Variants in LRRC40 observed in about 807,000 individuals in gnomAD.
LRRC40 encodes leucine rich repeat containing 40.
In LRRC40, 76 loss-of-function variants were observed where a neutral mutation model predicts 72.8. The ratio of observed to expected loss-of-function variants is 1.04; its 90% CI spans 0.87 to 1.26. The LOEUF is 1.26. Ranked by LOEUF, LRRC40 falls within the 50% of genes most tolerant of loss-of-function variation. The pLI is 0.00. For missense variants in LRRC40, 684 were observed against 698.9 expected (o/e 0.98, Z 0.24); for synonymous variants, 243 against 254.2 (o/e 0.96, Z 0.42).
chr1:70,172,194 GGTCCTTACCA>G (rs1668013502), intron 9 of LRRC40, among the ~76,000 whole-genome samples: 1 of 152,100 alleles, frequency 6.6e-6, no homozygotes, highest in Non-Finnish European at 1.5e-5. Flanking sequence ...ATGAGAAACA[GGTCCTTACCA>G]GACACCAAAT....
intron 1 of LRRC40, among the ~76,000 whole-genome samples, chr1:70,197,925 C>CAA (rs1335869720): frequency 1.3e-5 from 2 of 151,912 alleles, no homozygotes; most frequent in African/African-American, 4.8e-5. Context: ...ACTAAAAATA[C>CAA]AAATTTTTGT....
intron 9 of LRRC40, among the ~76,000 whole-genome samples, chr1:70,161,497 C>T (rs1667761233): frequency 6.7e-6 from 1 of 148,658 alleles, no homozygotes; most frequent in African/African-American, 2.5e-5. Flanking sequence ...GCTTGCAGTG[C>T]AAGATCGCGC....
chr1:70,166,027 T>C (rs1004484066), intron 9 of LRRC40, among the ~76,000 whole-genome samples: 2 of 152,220 alleles, frequency 1.3e-5, no homozygotes, highest in South Asian at 4.1e-4. Context: ...TCAAAATAAA[T>C]GTTTCAGTTC....
chr1:70,172,624 A>C (rs1186524235), intron 9 of LRRC40, among the ~76,000 whole-genome samples: 1 of 152,198 alleles, frequency 6.6e-6, no homozygotes, highest in African/African-American at 2.4e-5. Flanking sequence ...GTTCTGGAAG[A>C]GAAAGCATAT....
intron 1 of LRRC40, among the ~76,000 whole-genome samples, chr1:70,202,117 A>G (rs1668753426): frequency 6.6e-6 from 1 of 152,272 alleles, no homozygotes; most frequent in African/African-American, 2.4e-5. Context: ...ATGAAATGGT[A>G]CACATTAGTA....
At chr1:70,162,330 CCT>C (rs1667783810) in intron 9 of LRRC40, among the ~76,000 whole-genome samples, 1 of 152,000 alleles carries the variant, frequency 6.6e-6, no homozygotes, top group Admixed American at 6.6e-5. Flanking sequence ...TAGTTTGTCC[CCT>C]GAGGAGACAT....
At chr1:70,170,967 C>CAATG (rs1240115989) in intron 9 of LRRC40, among the ~76,000 whole-genome samples, 1 of 152,040 alleles carries the variant, frequency 6.6e-6, no homozygotes, top group Non-Finnish European at 1.5e-5. Flanking sequence ...TACTACAAAA[C>CAATG]AATGGTAATC....
At chr1:70,196,508 C>T (rs1426295947) in intron 1 of LRRC40, among the ~76,000 whole-genome samples, 1 of 152,040 alleles carries the variant, frequency 6.6e-6, no homozygotes, top group Non-Finnish European at 1.5e-5. Flanking sequence ...TATGACTGTG[C>T]CACTGCATGC....
rs269269 is a variant in LRRC40, at chr1:70,198,919, G to C, written c.151+6471C>G. Among the ~76,000 whole-genome samples, 1,180 of 152,224 alleles carry C rather than the reference G, an allele frequency of 7.8e-3. 12 individuals carry two copies. Among genetic ancestry groups the C allele is most frequent in the African/African-American group, 0.027 (1,109 of 41,526 alleles). On this transcript the variant is annotated intron_variant, in intron 1 of 14. Coordinates refer to ENST00000370952, the MANE Select transcript of LRRC40 (RefSeq NM_017768.5). ...TAATCCCAGCACTTTGGGAGGGTGA[G>C]TTGGACAGGTCGCTTGAGCTCAGGA...
Position 70,205,509 on chromosome 1 carries a change from T to G in LRRC40, c.32A>C (p.Asp11Ala). The G allele has an allele frequency of 6.2e-7, 1 of 1,601,830 alleles. No individual in the cohort carries two copies. The highest frequency in any genetic ancestry group is 8.5e-7 in the Non-Finnish European group (1 of 1,170,356). ...ACCTGCTTTGAAACCAGCGCGGAGATCCTGCCCCGCTATCCGCTTCAGGCG... is the reference window on the plus strand; with the variant it reads ...ACCTGCTTTGAAACCAGCGCGGAGAGCCTGCCCCGCTATCCGCTTCAGGCG... Reference protein sequence around the residue: MSRLKRIAGQDLRAGFKAGGR... With the variant: MSRLKRIAGQALRAGFKAGGR... The change falls in exon 1 of 15, where the codon GAT (aspartate) becomes GCT (alanine). Residue 11 changes from aspartate to alanine, a missense_variant. Transcript: ENST00000370952.
At chr1:70,200,778 A>C in intron 1 of LRRC40, among the ~76,000 whole-genome samples, 1 of 152,232 alleles carries the variant, frequency 6.6e-6, no homozygotes, top group East Asian at 1.9e-4. Flanking sequence ...TACATTTCCC[A>C]TAAAATGTCT....
rs532704700 is a variant in LRRC40, at chr1:70,181,409, C to T, written c.538-200G>A. On this transcript the variant is annotated intron_variant, in intron 4 of 14. Transcript: ENST00000370952. Reference sequence around the variant, plus strand: ...AAGATTGATTTTCAATATCTGCAGGCCCACTATATGTTCATCAATGGTAGT... The same window carrying T: ...AAGATTGATTTTCAATATCTGCAGGTCCACTATATGTTCATCAATGGTAGT... 2.0e-5 allele frequency among the ~76,000 whole-genome samples: 3 copies of T among 152,020 alleles called. No individual in the cohort carries two copies. In the East Asian group the frequency reaches 5.8e-4, roughly 29 times the overall value.
At chr1:70,158,356 T>C (rs965645119) in intron 10 of LRRC40, among the ~76,000 whole-genome samples, 3 of 152,154 alleles carry the variant, frequency 2.0e-5, no homozygotes, top group African/African-American at 7.2e-5. Context: ...CATACACTGA[T>C]GTTGGCTGTG....
At chr1:70,165,831 T>G (rs896376104) in intron 9 of LRRC40, among the ~76,000 whole-genome samples, 1 of 152,208 alleles carries the variant, frequency 6.6e-6, no homozygotes, top group African/African-American at 2.4e-5. Context: ...AAGTCTGGCC[T>G]GGGCACGTAG....
chr1:70,179,013 A>C lies in LRRC40; in HGVS notation c.662-20T>G. 1 of 1,448,104 alleles carries C rather than the reference A, an allele frequency of 6.9e-7. No individual in the cohort carries two copies. Among genetic ancestry groups the C allele is most frequent in the Non-Finnish European group, 9.2e-7 (1 of 1,083,808 alleles). The allele number at this position is 1,448,104 out of a possible 1,614,324, so 89.7% of individuals were successfully genotyped here. ...TCAACCCTGTAATATATATTCAGTA[A>C]AAAACAAAAATAGAGAAAAAAAAAT... On this transcript the variant is annotated intron_variant, in intron 5 of 14. Transcript: ENST00000370952.
At chr1:70,171,060 T>C (rs1459335137) in intron 9 of LRRC40, among the ~76,000 whole-genome samples, 3 of 152,134 alleles carry the variant, frequency 2.0e-5, no homozygotes, top group Admixed American at 6.5e-5. Flanking sequence ...AATACATTTA[T>C]AGTCAGTTGA....
At chr1:70,176,082 AAC>A (rs1395364016) in intron 6 of LRRC40, 100 bp from the exon 7 acceptor site, 2 of 618,940 alleles carry the variant, frequency 3.2e-6, no homozygotes, top group Non-Finnish European at 5.1e-6. Context: ...GTGATTGAAA[AAC>A]ACATAGAAAA....
chr1:70,187,340 TAA>T lies in LRRC40; in HGVS notation c.334-4_334-3del. Reference sequence around the variant, plus strand: ...GGATGTCAACTGATTATCATGTATCTAAAAGTTTTTAAAAGACAAAGTCAATA... The same window carrying T: ...GGATGTCAACTGATTATCATGTATCTAAGTTTTTAAAAGACAAAGTCAATA... On this transcript the variant is annotated splice_region_variant and splice_polypyrimidine_tract_variant and intron_variant, in intron 2 of 14. Coordinates refer to ENST00000370952, the MANE Select transcript of LRRC40 (RefSeq NM_017768.5). 3 of 1,392,316 alleles carry T rather than the reference TAA, an allele frequency of 2.2e-6. No homozygotes were observed. The highest frequency in any genetic ancestry group is 2.0e-6 in the Non-Finnish European group (2 of 988,038). The allele number at this position is 1,392,316 out of a possible 1,614,324, so 86.2% of individuals were successfully genotyped here. A position where few individuals can be genotyped will look rare whatever the true frequency, so the allele number is the denominator to read the frequency against.
At chr1:70,159,293 A>T (rs757348205) in intron 10 of LRRC40, 37 bp downstream of exon 10, 5 of 969,192 alleles carry the variant, frequency 5.2e-6, no homozygotes, top group Non-Finnish European at 7.6e-6. Context: ...GTAAGACCCT[A>T]TCTCTATAAA....
Sources: allele counts gnomAD v4.1 joint callset (sites outside exome capture counted in the v4.1 genomes callset), GRCh38; gene constraint gnomAD v4.1.1; transcripts MANE v1.5; gene names NCBI Gene and HGNC (gene_info 2026-07-23, HGNC 2026-07-21).